The following HOXA11 variants were observed in gnomAD, a reference collection of about 807,000 sequenced individuals.
HOXA11 encodes the protein homeobox protein Hox-A11.
HOXA11 carries 8 observed loss-of-function variants against 22.5 expected under a neutral mutation model. The ratio of observed to expected loss-of-function variants is 0.36; its 90% CI spans 0.21 to 0.64. The LOEUF is 0.64. HOXA11 is among the 30% of genes least tolerant of loss of function. HOXA11 has a pLI of 0.67. For synonymous variants in HOXA11, 211 were observed against 188.4 expected (o/e 1.12, Z -0.98); for missense variants, 388 against 429.0 (o/e 0.90, Z 0.84).
In HOXA11 at chr7:27,182,799, G is replaced by A; in HGVS notation, c.939C>T (p.Leu313=). Residue 313 remains leucine, a synonymous_variant, in exon 2 of 2, where the codon CTC becomes CTT. Transcript: ENST00000006015. ...RLQYYSANPL[L] ...CCCAATTCCAGCCGCTGGAGTCTTA[G>A]AGGAGTGGATTTGCTGAGTAGTACT... The A allele has an allele frequency of 6.3e-7, 1 of 1,585,212 alleles. No homozygotes were observed. Among genetic ancestry groups the A allele is most frequent in the Non-Finnish European group, 8.7e-7 (1 of 1,153,884 alleles).
At chr7:27,183,347 TG>T (rs958384031) in intron 1 of HOXA11, among the ~76,000 whole-genome samples, 12 of 152,190 alleles carry the variant, frequency 7.9e-5, no homozygotes, top group African/African-American at 2.9e-4. Context: ...AGCAGCCAAG[TG>T]GGGGTTGCCG....
At position 27,184,884 on chromosome 7, in the gene HOXA11, C is replaced by A. The variant is rs1203346539; in HGVS notation, c.261G>T (p.Glu87Asp). 2 of 1,613,970 alleles carry A rather than the reference C, an allele frequency of 1.2e-6. No homozygotes were observed. The highest frequency in any genetic ancestry group is 2.7e-5 in the African/African-American group (2 of 74,960). Reference sequence around the variant, plus strand: ...CCTGCAGGCAGTCTCTGTGCACGAGCTCCTCCGCGGAGTAGCAGTGGGCCA... The same window carrying A: ...CCTGCAGGCAGTCTCTGTGCACGAGATCCTCCGCGGAGTAGCAGTGGGCCA... ...GNLAHCYSAE[E>D]LVHRDCLQAP... is the part of the protein sequence containing the mutation. Residue 87 changes from glutamate to aspartate, a missense_variant, in exon 1 of 2, where the codon GAG becomes GAT. Glu to Asp is a conservative substitution (Grantham distance 45). Transcript: ENST00000006015.
chr7:27,184,268 C>T (rs149334328), intron 1 of HOXA11, among the ~76,000 whole-genome samples, 168 bp downstream of exon 1: 251 of 152,288 alleles, frequency 1.6e-3, no homozygotes, highest in African/African-American at 5.7e-3. Flanking sequence ...AATTTCAGCA[C>T]TCGCCACGTG....
rs1437041129 is a variant in HOXA11 at position 27,184,866 on chromosome 7, GC to G, written c.278del (p.Cys93SerfsTer202). ...YSAEELVHRD[C>X]LQAPSAAGVP... is the part of the protein sequence containing the mutation. Reference sequence around the variant, plus strand: ...CGCCGGCCGCGCTGGGCGCCTGCAGGCAGTCTCTGTGCACGAGCTCCTCCGC... The same window carrying G: ...CGCCGGCCGCGCTGGGCGCCTGCAGGAGTCTCTGTGCACGAGCTCCTCCGC... On this transcript the variant is annotated frameshift_variant, in exon 1 of 2. Transcript: ENST00000006015. LOFTEE classifies it high-confidence loss of function. 6.2e-7 allele frequency: 1 copy of G among 1,613,790 alleles called. No individual in the cohort carries two copies. Among genetic ancestry groups the G allele is most frequent in the Non-Finnish European group, 8.5e-7 (1 of 1,179,794 alleles).
At position 27,182,730 on chromosome 7, in the gene HOXA11, A is replaced by G; in HGVS notation, c.*66T>C. ...AGTCACCATGTGGCTTGACTTTGTC[A>G]AGGGCAAAATCTGCATATTATCTCA... On this transcript the variant is annotated 3_prime_UTR_variant, in exon 2 of 2. Transcript: ENST00000006015. 9.4e-7 allele frequency: 1 copy of G among 1,067,570 alleles called. No homozygotes were observed. The highest frequency in any genetic ancestry group is 1.3e-5 in the South Asian group (1 of 79,986). The allele number at this position is 1,067,570 out of a possible 1,614,324, so 66.1% of individuals were successfully genotyped here. A position where few individuals can be genotyped will look rare whatever the true frequency, so the allele number is the denominator to read the frequency against.
At chr7:27,183,119 G>A in intron 1 of HOXA11, 91 bp from the exon 2 acceptor site, 2 of 853,276 alleles carry the variant, frequency 2.3e-6, no homozygotes, top group African/African-American at 1.7e-5. Context: ...CTGCCATGGG[G>A]ACTGGTGGTC....
At position 27,182,600 on chromosome 7, in the gene HOXA11, T is replaced by C; in HGVS notation, c.*196A>G. ...CTGATGCACAGCTCTCAGAATCCAA[T>C]GATTATTAGGAATCTTAACCACTGA... On this transcript the variant is annotated 3_prime_UTR_variant, in exon 2 of 2. Coordinates refer to ENST00000006015, the MANE Select transcript of HOXA11 (RefSeq NM_005523.6). 1 of 641,564 alleles carries C rather than the reference T, an allele frequency of 1.6e-6. No individual in the cohort carries two copies. Among genetic ancestry groups the C allele is most frequent in the South Asian group, 1.7e-5 (1 of 57,324 alleles). 39.7% of individuals were successfully genotyped at this position (641,564 alleles called of 1,614,324 possible).
At chr7:27,184,365 T>G in intron 1 of HOXA11, 71 bp downstream of exon 1, 1 of 1,458,054 alleles carries the variant, frequency 6.9e-7, no homozygotes, top group Non-Finnish European at 9.4e-7. Flanking sequence ...CATATAAAAA[T>G]TTAACAGCGG....
At chr7:27,183,208 A>C (rs1783797316) in intron 1 of HOXA11, among the ~76,000 whole-genome samples, 180 bp from the exon 2 acceptor site, 1 of 152,202 alleles carries the variant, frequency 6.6e-6, no homozygotes, top group African/African-American at 2.4e-5. Context: ...CCGCAGTTGG[A>C]GGCTCAGCCA....
chr7:27,185,092 C>G lies in HOXA11; in HGVS notation c.53G>C (p.Cys18Ser). 1 of 1,614,146 alleles carries G rather than the reference C, an allele frequency of 6.2e-7. No individual in the cohort carries two copies. The highest frequency in any genetic ancestry group is 8.5e-7 in the Non-Finnish European group (1 of 1,180,030). ...PCSSNMYLPS[C>S]TYYVSGPDFS... ...ATCTGGACCCGAGACGTAGTAAGTA[C>G]AACTTGGCAAATACATGTTAGAGGA... The change falls in exon 1 of 2, where the codon TGT becomes TCT. Residue 18 changes from cysteine to serine, a missense_variant. Physicochemically the swap from Cys to Ser is moderately radical, Grantham distance 112. Coordinates refer to ENST00000006015, the MANE Select transcript of HOXA11 (RefSeq NM_005523.6).
chr7:27,183,061 G>T, intron 1 of HOXA11, 33 bp from the exon 2 acceptor site: 2 of 1,454,560 alleles, frequency 1.4e-6, no homozygotes, highest in Non-Finnish European at 1.9e-6. Context: ...GGGTGAGCCA[G>T]GTGTGGGGGC....
intron 1 of HOXA11, among the ~76,000 whole-genome samples, chr7:27,184,084 G>T (rs913018916): frequency 1.3e-5 from 2 of 152,160 alleles, no homozygotes; most frequent in African/African-American, 4.8e-5. Context: ...GCTATCAAAA[G>T]CTCCCGAAGC....
Position 27,182,831 on chromosome 7 carries a change from G to T in HOXA11, c.907C>A (p.Arg303Ser). 1.2e-6 allele frequency: 2 copies of T among 1,613,032 alleles called. No homozygotes were observed. The highest frequency in any genetic ancestry group is 1.1e-5 in the South Asian group (1 of 91,062). Residue 303 changes from arginine to serine, a missense_variant, in exon 2 of 2, where the codon CGT becomes AGT. This residue lies in a region of HOXA11 where 55 missense variants were observed against 90.8 expected (regional missense o/e 0.61). Transcript: ENST00000006015. ...GGATTTGCTGAGTAGTACTGTAAACGGTCTCTGTTAATTTTTTTTTCCTTC... is the reference window on the plus strand; with the variant it reads ...GGATTTGCTGAGTAGTACTGTAAACTGTCTCTGTTAATTTTTTTTTCCTTC... ...RMKEKKINRD[R>S]LQYYSANPLL
intron 1 of HOXA11, 125 bp from the exon 2 acceptor site, chr7:27,183,153 GC>G: frequency 1.5e-6 from 1 of 673,478 alleles, no homozygotes; most frequent in Non-Finnish European, 2.5e-6. Flanking sequence ...GTCAAAGTCT[GC>G]CCAGGCCCCT....
rs751732678 is a variant in HOXA11, at chr7:27,184,780, A to T, written c.365T>A (p.Val122Asp). 1.2e-6 allele frequency: 2 copies of T among 1,613,676 alleles called. No homozygotes were observed. The highest frequency in any genetic ancestry group is 2.7e-5 in the African/African-American group (2 of 74,890). Residue 122 changes from valine (V) to aspartate (D), a missense_variant, in exon 1 of 2, where the codon GTC becomes GAC. Val to Asp is a radical substitution (Grantham distance 152). This residue lies in a region of HOXA11 where 295 missense variants were observed against 281.1 expected (regional missense o/e 1.05). Coordinates refer to ENST00000006015, the MANE Select transcript of HOXA11 (RefSeq NM_005523.6). Reference sequence around the variant, plus strand: ...CACGGTGCTATAGAAATTGGACGAGACTGCGGGGGTGGGGTGGTGGTAGAC... The same window carrying T: ...CACGGTGCTATAGAAATTGGACGAGTCTGCGGGGGTGGGGTGGTGGTAGAC... ...ANVYHHPTPAVSSNFYSTVGR... is the reference protein window; with the variant it reads ...ANVYHHPTPADSSNFYSTVGR...
At position 27,185,155 on chromosome 7, in the gene HOXA11, C is replaced by A. The variant is rs763478703; in HGVS notation, c.-11G>T. The A allele has an allele frequency of 1.2e-6, 2 of 1,613,574 alleles. No individual in the cohort carries two copies. The highest frequency in any genetic ancestry group is 1.3e-5 in the African/African-American group (1 of 74,898). ...CTCATCAAAATCCATTATTGGGCTA[C>A]CTTGGGCTCTCCGCAGTAGCCGAGC... On this transcript the variant is annotated 5_prime_UTR_variant, in exon 1 of 2. Coordinates refer to ENST00000006015, the MANE Select transcript of HOXA11 (RefSeq NM_005523.6).
At chr7:27,184,303 T>C (rs1783819721) in intron 1 of HOXA11, 133 bp downstream of exon 1, 1 of 851,072 alleles carries the variant, frequency 1.2e-6, no homozygotes, top group African/African-American at 1.8e-5. Context: ...AACAAAGTTT[T>C]GTTGGGGGAA....
At chr7:27,184,032 C>A (rs964005026) in intron 1 of HOXA11, among the ~76,000 whole-genome samples, 2 of 152,044 alleles carry the variant, frequency 1.3e-5, no homozygotes, top group Non-Finnish European at 1.5e-5. Flanking sequence ...ACTGGAGTCC[C>A]GGCGCAACAC....
rs774243650 is a variant in HOXA11, at chr7:27,183,044, A to C, written c.710-16T>G. On this transcript the variant is annotated splice_polypyrimidine_tract_variant and intron_variant, in intron 1 of 1. Coordinates refer to ENST00000006015, the MANE Select transcript of HOXA11 (RefSeq NM_005523.6). ...CGTTGGCCACCTGTGGAGGGAGAAA[A>C]GGCATGGGGTGAGCCAGGTGTGGGG... 1.9e-6 allele frequency: 3 copies of C among 1,578,742 alleles called. No individual in the cohort carries two copies. The highest frequency in any genetic ancestry group is 1.7e-5 in the Admixed American group (1 of 59,788).
Sources: allele counts gnomAD v4.1 joint callset (sites outside exome capture counted in the v4.1 genomes callset), GRCh38; gene constraint gnomAD v4.1.1; regional missense constraint gnomAD v4.1.1; transcripts MANE v1.5; gene names NCBI Gene and HGNC (gene_info 2026-07-23, HGNC 2026-07-21).